RUNX2: variants seen among roughly 807,000 people sequenced by gnomAD.
RUNX2 encodes the protein RUNX family transcription factor 2.
In RUNX2, 10 loss-of-function variants were observed where a neutral mutation model predicts 51.7. That is an observed-to-expected ratio of 0.19 (90% CI 0.12 to 0.33). The LOEUF (loss-of-function observed/expected upper bound fraction) is 0.33, where lower values mean the gene tolerates loss of function less well. Among genes scored for constraint, RUNX2 ranks in the 10% least tolerant of loss-of-function variants. The pLI, the probability that RUNX2 is intolerant of heterozygous loss-of-function variation, is 1.00. For synonymous variants in RUNX2, 276 were observed against 273.6 expected, an observed-to-expected ratio of 1.01 and a Z score of -0.09; for missense variants, 562 against 691.3, an observed-to-expected ratio of 0.81 and a Z score of 2.10.
chr6:45,373,620 G>A (rs1226696587), intron 2 of RUNX2, among the ~76,000 whole-genome samples: 12 of 151,980 alleles, frequency 7.9e-5, no homozygotes, highest in Non-Finnish European at 1.5e-4. Flanking sequence ...GCACGATCTC[G>A]GCTCACTGCA....
rs566374007 is a variant in RUNX2, at chr6:45,420,344, G to C, written c.59-2249G>C. Among the ~76,000 whole-genome samples, 134 of 152,316 alleles carry C rather than the reference G, an allele frequency of 8.8e-4. 4 individuals carry two copies. The South Asian group carries it at 0.025, about 29-fold the overall frequency. On this transcript the variant is annotated intron_variant, in intron 2 of 8. Transcript: ENST00000647337. ...CAGGCCCCTTCTAGGGCGCAGACCC[G>C]GGCGTGGGCTCAGCGAGTGGGAGCA...
intron 5 of RUNX2, among the ~76,000 whole-genome samples, chr6:45,474,371 ATATGTGTGTGTGTG>A (rs1369780224): frequency 5.6e-5 from 6 of 108,018 alleles, no homozygotes; most frequent in Admixed American, 9.6e-5. Context: ...TATGTTTTAT[ATATGTGTGTGTGTG>A]TGTGTGTGTG....
intron 2 of RUNX2, among the ~76,000 whole-genome samples, chr6:45,360,936 C>A (rs929153982): frequency 7.9e-5 from 12 of 152,076 alleles, no homozygotes; most frequent in Non-Finnish European, 1.6e-4. Flanking sequence ...AGACTATATG[C>A]CTCTTGAAGG....
At position 45,411,362 on chromosome 6, in the gene RUNX2, AT is replaced by A. The variant is rs890053922; in HGVS notation, c.59-11222del. Among the ~76,000 whole-genome samples the A allele has an allele frequency of 6.6e-5, 10 of 151,662 alleles. No individual in the cohort carries two copies. The South Asian group carries it at 1.0e-3, about 16-fold the overall frequency. ...ACAAGTGCAAAGCAACTTGCCAACA[AT>A]TTTTTTTTCAATTTTGTAATTTTAA... On this transcript the variant is annotated intron_variant, in intron 2 of 8. Transcript: ENST00000647337.
intron 5 of RUNX2, among the ~76,000 whole-genome samples, chr6:45,459,053 C>T (rs995141780): frequency 1.3e-5 from 2 of 152,328 alleles, no homozygotes; most frequent in East Asian, 3.9e-4. Flanking sequence ...CATTAAGCAG[C>T]CCTTATTTCT....
At chr6:45,385,357 C>G (rs1797327673) in intron 2 of RUNX2, among the ~76,000 whole-genome samples, 1 of 152,176 alleles carries the variant, frequency 6.6e-6, no homozygotes, top group Admixed American at 6.5e-5. Flanking sequence ...GATGTTCTCA[C>G]TGAACCGCTT....
At chr6:45,343,894 A>G (rs1454254433) in intron 2 of RUNX2, among the ~76,000 whole-genome samples, 1 of 152,148 alleles carries the variant, frequency 6.6e-6, no homozygotes, top group African/African-American at 2.4e-5. Context: ...TTAGCCATCA[A>G]AGACCTCCAC....
chr6:45,487,349 G>C (rs1800314015), intron 5 of RUNX2, among the ~76,000 whole-genome samples: 1 of 151,888 alleles, frequency 6.6e-6, no homozygotes, highest in African/African-American at 2.4e-5. Context: ...CCCCTCTCAG[G>C]GACTCAGGGT....
chr6:45,520,167 T>C (rs1801461874), intron 7 of RUNX2, among the ~76,000 whole-genome samples: 1 of 152,098 alleles, frequency 6.6e-6, no homozygotes, highest in Non-Finnish European at 1.5e-5. Flanking sequence ...TCAAAGGTGC[T>C]CTACCTGAAC....
chr6:45,369,578 C>G (rs1481961292), intron 2 of RUNX2, among the ~76,000 whole-genome samples: 2 of 152,106 alleles, frequency 1.3e-5, no homozygotes, highest in African/African-American at 4.8e-5. Flanking sequence ...CCACCAAAGA[C>G]AGTGTATCGT....
intron 2 of RUNX2, among the ~76,000 whole-genome samples, chr6:45,375,756 G>A (rs559510563): frequency 7.9e-5 from 12 of 151,754 alleles, no homozygotes; most frequent in African/African-American, 2.2e-4. Flanking sequence ...GGGTGCTACC[G>A]CTACCTATAA....
At chr6:45,429,390 A>G (rs1452671646) in intron 3 of RUNX2, among the ~76,000 whole-genome samples, 1 of 152,248 alleles carries the variant, frequency 6.6e-6, no homozygotes, top group Non-Finnish European at 1.5e-5. Flanking sequence ...AATGTAGTCA[A>G]TTATTGCAGT....
At chr6:45,375,455 T>C (rs1796645542) in intron 2 of RUNX2, among the ~76,000 whole-genome samples, 1 of 152,236 alleles carries the variant, frequency 6.6e-6, no homozygotes, top group South Asian at 2.1e-4. Context: ...GATTTGTATA[T>C]TATGAGCTAT....
At chr6:45,337,611 G>C (rs1193258554) in intron 2 of RUNX2, among the ~76,000 whole-genome samples, 3 of 151,724 alleles carry the variant, frequency 2.0e-5, no homozygotes, top group African/African-American at 7.3e-5. Context: ...CCATGCTTAG[G>C]AATGTGTCCA....
intron 7 of RUNX2, among the ~76,000 whole-genome samples, chr6:45,517,219 T>C (rs115978098): frequency 4.6e-4 from 70 of 152,278 alleles, no homozygotes; most frequent in African/African-American, 1.7e-3. Context: ...TCTTGCTCTA[T>C]TGCTCAGGAT....
chr6:45,465,413 CCTATT>C (rs1170792413), intron 5 of RUNX2, among the ~76,000 whole-genome samples: 6 of 151,888 alleles, frequency 4.0e-5, no homozygotes, highest in African/African-American at 7.3e-5. Context: ...GGTCAAGAGT[CCTATT>C]CTCAAAGGAC....
chr6:45,458,378 G>A (rs1799379897), intron 5 of RUNX2, among the ~76,000 whole-genome samples: 1 of 150,656 alleles, frequency 6.6e-6, no homozygotes, highest in Admixed American at 6.6e-5. Context: ...GCAATGAAGA[G>A]TATTTGTTAA....
intron 2 of RUNX2, among the ~76,000 whole-genome samples, chr6:45,395,627 A>T (rs1217793000): frequency 6.6e-6 from 1 of 152,254 alleles, no homozygotes; most frequent in East Asian, 1.9e-4. Context: ...ATTATAAACT[A>T]TAAAAGTAAG....
chr6:45,544,342 A>T (rs888010052), intron 7 of RUNX2, among the ~76,000 whole-genome samples: 1 of 152,226 alleles, frequency 6.6e-6, no homozygotes, highest in Non-Finnish European at 1.5e-5. Flanking sequence ...CAATAAAAAC[A>T]TCAGCAAAAT....
Sources: allele counts gnomAD v4.1 joint callset (sites outside exome capture counted in the v4.1 genomes callset), GRCh38; gene constraint gnomAD v4.1.1; transcripts MANE v1.5; gene names NCBI Gene and HGNC (gene_info 2026-07-23, HGNC 2026-07-21).